The following PLPPR5 variants were observed in gnomAD, a reference collection of about 807,000 sequenced individuals.
The protein encoded by PLPPR5 is phospholipid phosphatase-related protein type 5.
Under a neutral mutation model 33.9 loss-of-function variants are expected in PLPPR5, and 16 were observed. That is an observed-to-expected ratio of 0.47 (90% CI 0.32 to 0.72). PLPPR5 has a LOEUF of 0.72. PLPPR5 is among the 30% of genes least tolerant of loss of function. The probability of loss-of-function intolerance (pLI) is 0.03; values close to 1 mark genes in which losing one functional copy is unlikely to be tolerated. For missense variants in PLPPR5, 301 were observed against 406.7 expected (o/e 0.74, Z 2.23); for synonymous variants, 163 against 150.3 (o/e 1.08, Z -0.62).
chr1:98,908,100 T>C (rs1331278291), intron 5 of PLPPR5, among the ~76,000 whole-genome samples: 2 of 152,130 alleles, frequency 1.3e-5, no homozygotes, highest in Admixed American at 6.5e-5. Flanking sequence ...ATCCAAGGTG[T>C]TGAGACGTTC....
At chr1:98,945,255 C>T (rs1316716503) in intron 3 of PLPPR5, among the ~76,000 whole-genome samples, 1 of 152,094 alleles carries the variant, frequency 6.6e-6, no homozygotes, top group African/African-American at 2.4e-5. Flanking sequence ...CAATTAAAAT[C>T]CAATAATCAA....
chr1:98,942,136 A>G (rs909375936), intron 3 of PLPPR5, among the ~76,000 whole-genome samples: 1 of 151,928 alleles, frequency 6.6e-6, no homozygotes, highest in African/African-American at 2.4e-5. Flanking sequence ...CAGTGGCGCA[A>G]TCTCGGCTCA....
chr1:98,901,947 TTATAA>T (rs1467102782), intron 5 of PLPPR5, among the ~76,000 whole-genome samples: 2 of 152,178 alleles, frequency 1.3e-5, no homozygotes, highest in East Asian at 1.9e-4. Context: ...TAATATAATC[TTATAA>T]TATCATGCAG....
intron 1 of PLPPR5, among the ~76,000 whole-genome samples, chr1:98,968,055 A>C (rs989985004): frequency 7.2e-5 from 11 of 152,162 alleles, no homozygotes; most frequent in African/African-American, 2.7e-4. Flanking sequence ...TTCTTTTTAA[A>C]TGACAAAAAG....
intron 5 of PLPPR5, among the ~76,000 whole-genome samples, chr1:98,914,001 C>T (rs912173022): frequency 9.9e-5 from 15 of 152,206 alleles, no homozygotes; most frequent in African/African-American, 2.9e-4. Flanking sequence ...TAGGAGAGCA[C>T]GACTGGTGTT....
At chr1:98,992,286 C>G (rs559425769) in intron 1 of PLPPR5, among the ~76,000 whole-genome samples, 21 of 152,200 alleles carry the variant, frequency 1.4e-4, no homozygotes, top group African/African-American at 5.1e-4. Context: ...ATTATGTTTG[C>G]TATTATTTTG....
chr1:98,932,715 C>G (rs1423664011), intron 3 of PLPPR5, among the ~76,000 whole-genome samples: 3 of 152,178 alleles, frequency 2.0e-5, no homozygotes, highest in Admixed American at 2.0e-4. Context: ...TCTACTTCCC[C>G]TCTAGCCTGC....
chr1:98,903,677 G>A (rs537419238), intron 5 of PLPPR5, among the ~76,000 whole-genome samples: 1 of 152,048 alleles, frequency 6.6e-6, no homozygotes, highest in Non-Finnish European at 1.5e-5. Context: ...TGTTGCGGGA[G>A]GGAACTAACT....
chr1:99,001,671 G>GATATAGATATATAT (rs1652851434), intron 1 of PLPPR5, among the ~76,000 whole-genome samples: 1 of 102,196 alleles, frequency 9.8e-6, no homozygotes, highest in Admixed American at 1.0e-4. Flanking sequence ...GAAAGTTAAA[G>GATATAGATATATAT]ATATATATAT....
intron 1 of PLPPR5, among the ~76,000 whole-genome samples, chr1:98,986,321 A>G (rs1652263298): frequency 6.6e-6 from 1 of 151,914 alleles, no homozygotes. Context: ...ATAATTTTAA[A>G]AATTATAAAA....
intron 3 of PLPPR5, among the ~76,000 whole-genome samples, chr1:98,947,086 C>T (rs1650584245): frequency 6.6e-6 from 1 of 152,110 alleles, no homozygotes; most frequent in South Asian, 2.1e-4. Context: ...TCAGCAGTCC[C>T]CAAGCCGACG....
intron 1 of PLPPR5, among the ~76,000 whole-genome samples, chr1:98,974,244 C>T (rs1478762054): frequency 6.6e-6 from 1 of 151,962 alleles, no homozygotes; most frequent in Admixed American, 6.6e-5. Context: ...AGACAGGGGT[C>T]CTCGATCAGC....
intron 5 of PLPPR5, among the ~76,000 whole-genome samples, chr1:98,906,150 T>C (rs1026686247): frequency 1.3e-5 from 2 of 151,658 alleles, no homozygotes; most frequent in African/African-American, 4.9e-5. Flanking sequence ...ACCTAGTATA[T>C]ACACAGTGTG....
intron 1 of PLPPR5, among the ~76,000 whole-genome samples, chr1:98,964,319 C>T (rs2101234162): frequency 6.6e-6 from 1 of 152,294 alleles, no homozygotes; most frequent in Admixed American, 6.5e-5. Context: ...GCCCCTCCTG[C>T]CTCCCACAGG....
intron 4 of PLPPR5, 33 bp from the exon 5 acceptor site, chr1:98,914,953 A>G: frequency 6.3e-7 from 1 of 1,596,540 alleles, no homozygotes; most frequent in Non-Finnish European, 8.5e-7. Flanking sequence ...CAGTTAAAGC[A>G]AACTGTGCTC....
intron 5 of PLPPR5, among the ~76,000 whole-genome samples, chr1:98,902,403 T>A (rs910866368): frequency 2.0e-5 from 3 of 152,104 alleles, no homozygotes; most frequent in Non-Finnish European, 2.9e-5. Context: ...ACCCCATAGA[T>A]ACTTCCTATT....
intron 3 of PLPPR5, among the ~76,000 whole-genome samples, chr1:98,926,960 G>A (rs1355640065): frequency 6.6e-6 from 1 of 152,204 alleles, no homozygotes; most frequent in Non-Finnish European, 1.5e-5. Flanking sequence ...AAAGAGCAAT[G>A]TAAAGGTGTC....
chr1:98,962,662 G>A (rs1651288703), intron 1 of PLPPR5, among the ~76,000 whole-genome samples: 1 of 151,640 alleles, frequency 6.6e-6, no homozygotes, highest in South Asian at 2.1e-4. Flanking sequence ...TTCTTTTTCT[G>A]GAGACAGGGT....
intron 5 of PLPPR5, among the ~76,000 whole-genome samples, chr1:98,898,657 T>G (rs534319666): frequency 2.2e-4 from 34 of 152,154 alleles, no homozygotes; most frequent in Non-Finnish European, 4.0e-4. Flanking sequence ...TTCTAAAATG[T>G]ATGTTGAGCA....
Sources: gnomAD v4.1 joint callset for allele counts (sites outside exome capture counted in the v4.1 genomes callset) on GRCh38, gnomAD v4.1.1 for gene constraint, MANE v1.5 for transcripts, NCBI Gene and HGNC (gene_info 2026-07-23, HGNC 2026-07-21) for gene names.